SHISA6: variants seen among roughly 807,000 people sequenced by gnomAD.
The protein encoded by SHISA6 is shisa family member 6, also known as protein shisa-6.
SHISA6 carries 22 observed loss-of-function variants against 47.9 expected under a neutral mutation model. That is an observed-to-expected ratio of 0.46 (90% CI 0.33 to 0.66). The LOEUF (loss-of-function observed/expected upper bound fraction) is 0.66, where lower values mean the gene tolerates loss of function less well. SHISA6 is among the 30% of genes least tolerant of loss of function. The pLI is 0.02. For synonymous variants in SHISA6, 388 were observed against 337.8 expected (o/e 1.15, Z -1.63); for missense variants, 680 against 764.6 (o/e 0.89, Z 1.30).
chr17:11,539,102 C>T (rs578000562), intron 3 of SHISA6, among the ~76,000 whole-genome samples: 9 of 152,170 alleles, frequency 5.9e-5, no homozygotes, highest in South Asian at 2.1e-4. Flanking sequence ...CCACCATGCC[C>T]GGCTAATTTT....
At chr17:11,388,285 A>T (rs1913258649) in intron 3 of SHISA6, among the ~76,000 whole-genome samples, 1 of 152,056 alleles carries the variant, frequency 6.6e-6, no homozygotes, top group South Asian at 2.1e-4. Flanking sequence ...CAACCCTGAG[A>T]GGGAAGCACA....
intron 3 of SHISA6, among the ~76,000 whole-genome samples, chr17:11,454,516 C>G (rs1276858570): frequency 6.6e-6 from 1 of 152,168 alleles, no homozygotes; most frequent in Non-Finnish European, 1.5e-5. Context: ...CTACACTCAG[C>G]CAATTTTCCA....
At chr17:11,308,794 A>G (rs1401628115) in intron 2 of SHISA6, among the ~76,000 whole-genome samples, 1 of 152,186 alleles carries the variant, frequency 6.6e-6, no homozygotes, top group Non-Finnish European at 1.5e-5. Context: ...ACAGCTGTAA[A>G]GAAAATGCTT....
rs923840799 is a variant in SHISA6 at position 11,332,254 on chromosome 17, A to T, written c.800-47160A>T. Among the ~76,000 whole-genome samples the T allele has an allele frequency of 1.9e-4, 28 of 151,276 alleles. No individual in the cohort carries two copies. In the East Asian group the frequency reaches 5.3e-3, roughly 28 times the overall value. ...GCGCCAGCGTTGGGGAAAAAAAAAA[A>T]ATGGAAAGACAATAATGTGTTTACC... is the stretch of plus-strand genomic sequence containing the variant. On this transcript the variant is annotated intron_variant, in intron 2 of 5. Transcript: ENST00000441885.
At chr17:11,329,712 A>C (rs1911030403) in intron 2 of SHISA6, among the ~76,000 whole-genome samples, 1 of 152,124 alleles carries the variant, frequency 6.6e-6, no homozygotes, top group Admixed American at 6.5e-5. Context: ...AACCAGTTGG[A>C]GGGGACAGGA....
intron 3 of SHISA6, among the ~76,000 whole-genome samples, chr17:11,462,018 T>C (rs970812985): frequency 2.0e-5 from 3 of 151,946 alleles, no homozygotes; most frequent in Non-Finnish European, 4.4e-5. Flanking sequence ...TGGTGGACAA[T>C]TGGATTTAGT....
At chr17:11,493,597 A>G (rs140368018) in intron 3 of SHISA6, among the ~76,000 whole-genome samples, 1 of 148,724 alleles carries the variant, frequency 6.7e-6, no homozygotes, top group Non-Finnish European at 1.5e-5. Context: ...ACACACACAC[A>G]TACACACACC....
At chr17:11,417,799 G>A (rs922218284) in intron 3 of SHISA6, among the ~76,000 whole-genome samples, 2 of 152,198 alleles carry the variant, frequency 1.3e-5, no homozygotes, top group Admixed American at 1.3e-4. Context: ...CAGGATGTAT[G>A]TGTCCAACTG....
intron 3 of SHISA6, among the ~76,000 whole-genome samples, chr17:11,405,815 A>C (rs1361574640): frequency 1.3e-5 from 2 of 151,986 alleles, no homozygotes; most frequent in African/African-American, 2.4e-5. Flanking sequence ...AAAAGAAAAA[A>C]AATTGTGCAG....
chr17:11,283,108 T>C (rs1167927314), intron 2 of SHISA6, among the ~76,000 whole-genome samples: 1 of 152,226 alleles, frequency 6.6e-6, no homozygotes, highest in Non-Finnish European at 1.5e-5. Flanking sequence ...CATAATCTCT[T>C]AACTTCGCAG....
intron 2 of SHISA6, among the ~76,000 whole-genome samples, chr17:11,371,956 G>A (rs1014650357): frequency 3.9e-5 from 6 of 152,004 alleles, no homozygotes; most frequent in Admixed American, 3.9e-4. Context: ...ATTATTGTTG[G>A]TATAAATCAT....
At chr17:11,461,532 A>C (rs1242262231) in intron 3 of SHISA6, among the ~76,000 whole-genome samples, 5 of 152,192 alleles carry the variant, frequency 3.3e-5, no homozygotes. Flanking sequence ...CACAGCACAT[A>C]GGGCTACATG....
chr17:11,326,383 T>C (rs1452413038), intron 2 of SHISA6, among the ~76,000 whole-genome samples: 2 of 152,140 alleles, frequency 1.3e-5, no homozygotes, highest in African/African-American at 2.4e-5. Context: ...GTTCACTCCT[T>C]CTTCCAGGGC....
At chr17:11,516,341 G>A (rs529457624) in intron 3 of SHISA6, among the ~76,000 whole-genome samples, 8 of 152,304 alleles carry the variant, frequency 5.3e-5, no homozygotes, top group Admixed American at 2.6e-4. Flanking sequence ...ATCTTCCATT[G>A]AAAACACTAG....
intron 3 of SHISA6, among the ~76,000 whole-genome samples, chr17:11,499,339 A>G (rs3111833): frequency 0.41 from 61,627 of 151,874 alleles, 12,531 homozygotes; most frequent in East Asian, 0.54. Flanking sequence ...GTGGACTATA[A>G]AGCACCATTA....
chr17:11,509,027 A>T (rs1431007723), intron 3 of SHISA6, among the ~76,000 whole-genome samples: 3 of 152,208 alleles, frequency 2.0e-5, no homozygotes, highest in Non-Finnish European at 4.4e-5. Flanking sequence ...GCACCAGCTG[A>T]TTATAAAATC....
chr17:11,537,480 G>A (rs1206370214), intron 3 of SHISA6, among the ~76,000 whole-genome samples: 1 of 152,104 alleles, frequency 6.6e-6, no homozygotes. Context: ...TAATCTTCAA[G>A]CCGAAGTGCC....
At chr17:11,308,723 G>A (rs1486775379) in intron 2 of SHISA6, among the ~76,000 whole-genome samples, 1 of 152,190 alleles carries the variant, frequency 6.6e-6, no homozygotes, top group Non-Finnish European at 1.5e-5. Context: ...CAATACTTGA[G>A]TTCTGTTGGG....
At chr17:11,525,358 G>A (rs992007525) in intron 3 of SHISA6, among the ~76,000 whole-genome samples, 9 of 152,186 alleles carry the variant, frequency 5.9e-5, no homozygotes, top group African/African-American at 2.2e-4. Context: ...TGTGAGGCCA[G>A]GCTTGGTGGC....
Sources: gnomAD v4.1 joint callset for allele counts (sites outside exome capture counted in the v4.1 genomes callset) on GRCh38, gnomAD v4.1.1 for gene constraint, MANE v1.5 for transcripts, NCBI Gene and HGNC (gene_info 2026-07-23, HGNC 2026-07-21) for gene names.